Variants in SFSWAP observed in about 807,000 individuals in gnomAD.
SFSWAP encodes splicing factor SWAP.
Under a neutral mutation model 100.7 loss-of-function variants are expected in SFSWAP, and 17 were observed. That is an observed-to-expected ratio of 0.17 (90% CI 0.12 to 0.25). SFSWAP has a LOEUF of 0.25. SFSWAP is among the 10% of genes least tolerant of loss of function. The pLI, the probability that SFSWAP is intolerant of heterozygous loss-of-function variation, is 1.00. For synonymous variants in SFSWAP, 504 were observed against 510.1 expected, an observed-to-expected ratio of 0.99 and a Z score of 0.16; for missense variants, 1,005 against 1,262.6, an observed-to-expected ratio of 0.80 and a Z score of 3.09.
intron 3 of SFSWAP, among the ~76,000 whole-genome samples, chr12:131,719,120 T>C (rs903477408): frequency 6.6e-6 from 1 of 152,126 alleles, no homozygotes; most frequent in Non-Finnish European, 1.5e-5. Flanking sequence ...ATGGACCAAA[T>C]GCAGAATTCG....
At chr12:131,751,763 G>T (rs773524923) in intron 7 of SFSWAP, among the ~76,000 whole-genome samples, 1 of 152,232 alleles carries the variant, frequency 6.6e-6, no homozygotes, top group Non-Finnish European at 1.5e-5. Context: ...AGGACCTGCC[G>T]CTGCAGGAGC....
At chr12:131,789,229 A>C (rs1425486466) in intron 15 of SFSWAP, among the ~76,000 whole-genome samples, 1 of 152,126 alleles carries the variant, frequency 6.6e-6, no homozygotes, top group Non-Finnish European at 1.5e-5. Context: ...CAGTCTGCCT[A>C]TCTCAGCCTC....
chr12:131,741,276 A>AT lies in SFSWAP; in HGVS notation c.1082-11844dup, dbSNP rs577921114. ...CCACCGTGCCCAGCCTAGGGTTTTAATTTCATACAATTTTGATGTCATAAA... is the reference window on the plus strand; with the variant it reads ...CCACCGTGCCCAGCCTAGGGTTTTAATTTTCATACAATTTTGATGTCATAAA... On this transcript the variant is annotated intron_variant, in intron 7 of 17. Coordinates refer to ENST00000261674, the MANE Select transcript of SFSWAP (RefSeq NM_004592.4). Among the ~76,000 whole-genome samples the AT allele has an allele frequency of 1.4e-4, 21 of 151,900 alleles. No homozygotes were observed. In the South Asian group the frequency reaches 4.0e-3, roughly 29 times the overall value.
intron 15 of SFSWAP, among the ~76,000 whole-genome samples, chr12:131,792,616 T>C (rs549485665): frequency 5.9e-5 from 9 of 152,134 alleles, no homozygotes; most frequent in Admixed American, 2.0e-4. Flanking sequence ...TGTGCACATG[T>C]GTGTTCACAG....
chr12:131,713,883 G>A (rs1298359666), intron 1 of SFSWAP, 188 bp from the exon 2 acceptor site: 2 of 394,826 alleles, frequency 5.1e-6, no homozygotes, highest in South Asian at 8.5e-5. Context: ...GAGTTTAAAA[G>A]TAGGTGAGAT....
chr12:131,747,628 G>T, intron 7 of SFSWAP, among the ~76,000 whole-genome samples: 1 of 152,294 alleles, frequency 6.6e-6, no homozygotes, highest in East Asian at 1.9e-4. Context: ...AGGGCAGGAG[G>T]TGCTGCAGCT....
At chr12:131,731,142 C>G (rs150663782) in intron 7 of SFSWAP, among the ~76,000 whole-genome samples, 68 of 152,298 alleles carry the variant, frequency 4.5e-4, no homozygotes, top group African/African-American at 1.6e-3. Context: ...AACTTTGGCT[C>G]TAAATCACTG....
Position 131,766,256 on chromosome 12 carries a change from C to T in SFSWAP, c.2090C>T (p.Pro697Leu). ...TTATTTTTACAGACCCTCAAAAATC[C>T]TCTGCCGGAAGCAGAAGCTGGGAAA... ...AALFLQTLKN[P>L]LPEAEAGKIE... The change falls in exon 13 of 18, where the codon CCT (proline) becomes CTT (leucine). Residue 697 changes from proline to leucine, a missense_variant. Coordinates refer to ENST00000261674, the MANE Select transcript of SFSWAP (RefSeq NM_004592.4). 6.2e-7 allele frequency: 1 copy of T among 1,614,170 alleles called. No homozygotes were observed. The highest frequency in any genetic ancestry group is 8.5e-7 in the Non-Finnish European group (1 of 1,180,030).
chr12:131,718,529 C>T (rs946807035), intron 3 of SFSWAP, among the ~76,000 whole-genome samples: 1 of 152,066 alleles, frequency 6.6e-6, no homozygotes, highest in African/African-American at 2.4e-5. Context: ...ACATAGTAGA[C>T]AAGTATTTGT....
chr12:131,775,784 ATTAT>A (rs1484532992), intron 13 of SFSWAP, among the ~76,000 whole-genome samples: 1 of 152,136 alleles, frequency 6.6e-6, no homozygotes, highest in Non-Finnish European at 1.5e-5. Context: ...GTGTGTTAGA[ATTAT>A]GTAAGCAATA....
intron 13 of SFSWAP, among the ~76,000 whole-genome samples, chr12:131,776,213 G>T (rs1884012823): frequency 6.6e-6 from 1 of 152,244 alleles, no homozygotes; most frequent in African/African-American, 2.4e-5. Flanking sequence ...CCACAGTAAA[G>T]TGGATTTTTT....
chr12:131,731,876 T>C (rs911269932), intron 7 of SFSWAP, among the ~76,000 whole-genome samples: 2 of 151,624 alleles, frequency 1.3e-5, no homozygotes, highest in African/African-American at 4.8e-5. Flanking sequence ...TTTCATGATG[T>C]TTTTGAGTAT....
At chr12:131,754,630 T>C in intron 9 of SFSWAP, 131 bp downstream of exon 9, 5 of 353,330 alleles carry the variant, frequency 1.4e-5, no homozygotes, top group South Asian at 7.5e-5. Context: ...CAAATGTCTT[T>C]TTTTTTTTTT....
Position 131,786,456 on chromosome 12 carries a change from TG to T in SFSWAP, c.2409-6del. The T allele has an allele frequency of 6.3e-7, 1 of 1,585,118 alleles. No homozygotes were observed. Among genetic ancestry groups the T allele is most frequent in the African/African-American group, 1.3e-5 (1 of 74,598 alleles). On this transcript the variant is annotated splice_polypyrimidine_tract_variant and splice_region_variant and intron_variant, in intron 14 of 17. Coordinates refer to ENST00000261674, the MANE Select transcript of SFSWAP (RefSeq NM_004592.4). ...CAGAGCTGAACACTGCCTCCTCCCC[TG>T]TCCAGGTCCCGCTCCCGGTCCCCTC...
chr12:131,738,653 CTG>C (rs1880276134), intron 7 of SFSWAP, among the ~76,000 whole-genome samples: 2 of 152,074 alleles, frequency 1.3e-5, no homozygotes. Context: ...TTTTTTAAAG[CTG>C]TGTATTTTTC....
intron 7 of SFSWAP, among the ~76,000 whole-genome samples, chr12:131,751,290 G>A (rs982109057): frequency 6.6e-6 from 1 of 152,230 alleles, no homozygotes; most frequent in African/African-American, 2.4e-5. Context: ...GTTTTGTTTT[G>A]TTTGTTTTTG....
At position 131,720,146 on chromosome 12, in the gene SFSWAP, AT is replaced by A. The variant is rs1344080442; in HGVS notation, c.606+608del. Among the ~76,000 whole-genome samples the A allele has an allele frequency of 9.8e-5, 15 of 152,344 alleles. No homozygotes were observed. In the East Asian group the frequency reaches 2.9e-3, roughly 29 times the overall value. On this transcript the variant is annotated intron_variant, in intron 4 of 17. Transcript: ENST00000261674. ...CAGTTATATCACATTAAATTAAGTTATAACAGGTGTTAAAGCCCAAACCAGG... is the reference window on the plus strand; with the variant it reads ...CAGTTATATCACATTAAATTAAGTTAAACAGGTGTTAAAGCCCAAACCAGG...
chr12:131,768,573 G>A lies in SFSWAP; in HGVS notation c.2142+2265G>A, dbSNP rs145610222. ...AGATGAGTTTGTGTGAGACCCTGTC[G>A]AGTCCCCGAGTGCCGCAGGGTGGGC... is the stretch of plus-strand genomic sequence containing the variant. On this transcript the variant is annotated intron_variant, in intron 13 of 17. Transcript: ENST00000261674. Among the ~76,000 whole-genome samples, 833 of 152,276 alleles carry A rather than the reference G, an allele frequency of 5.5e-3. 10 individuals carry two copies. The highest frequency in any genetic ancestry group is 0.019 in the African/African-American group (802 of 41,552).
chr12:131,784,018 C>T (rs1201090486), intron 14 of SFSWAP: 1 of 151,754 alleles, frequency 6.6e-6, no homozygotes, highest in Admixed American at 6.6e-5. Flanking sequence ...TCCGTAAAAG[C>T]GATGACTCAT....
Sources: gnomAD v4.1 joint callset for allele counts (sites outside exome capture counted in the v4.1 genomes callset) on GRCh38, gnomAD v4.1.1 for gene constraint, MANE v1.5 for transcripts, NCBI Gene and HGNC (gene_info 2026-07-23, HGNC 2026-07-21) for gene names.